AGAP1: variants seen among roughly 807,000 people sequenced by gnomAD.
AGAP1 encodes ArfGAP with GTPase domain, ankyrin repeat and PH domain 1, also known as arf-GAP with GTPase, ANK repeat and PH domain-containing protein 1.
In AGAP1, 29 loss-of-function variants were observed where a neutral mutation model predicts 105.3. The observed-to-expected ratio is 0.28, with a 90% CI of 0.21 to 0.38. The LOEUF (loss-of-function observed/expected upper bound fraction) is 0.38. Among genes scored for constraint, AGAP1 ranks in the 10% least tolerant of loss-of-function variants. The pLI is 1.00. For synonymous variants in AGAP1, 509 were observed against 485.9 expected (o/e 1.05, Z -0.63); for missense variants, 998 against 1,165.1 (o/e 0.86, Z 2.09).
chr2:235,838,420 G>T (rs1280896348), intron 9 of AGAP1, among the ~76,000 whole-genome samples: 2 of 152,200 alleles, frequency 1.3e-5, no homozygotes, highest in East Asian at 3.8e-4. Flanking sequence ...AAGAGGCACT[G>T]TGCTTTCTGA....
rs78809488 is a variant in AGAP1 at position 235,872,387 on chromosome 2, A to G, written c.1051-10958A>G. 6.6e-6 allele frequency among the ~76,000 whole-genome samples: 1 copy of G among 152,200 alleles called. No homozygotes were observed. Among genetic ancestry groups the G allele is most frequent in the South Asian group, 2.1e-4 (1 of 4,836 alleles). The stretch of plus-strand genomic sequence containing the variant: ...AATCTTAAGCAGAGATGGTTTTCAC[A>G]TGTACAAAAGTGGCATCTGAAAGAT... On this transcript the variant is annotated intron_variant, in intron 9 of 17. Coordinates refer to ENST00000304032, the MANE Select transcript of AGAP1 (RefSeq NM_001037131.3). The surrounding 1 kb of genome is among the most constrained non-coding windows in gnomAD (Gnocchi z 4.5).
chr2:235,891,257 C>T lies in AGAP1; in HGVS notation c.1155+7808C>T, dbSNP rs983391899. Among the ~76,000 whole-genome samples the T allele has an allele frequency of 6.6e-6, 1 of 152,190 alleles. No homozygotes were observed. Among genetic ancestry groups the T allele is most frequent in the Non-Finnish European group, 1.5e-5 (1 of 68,040 alleles). On this transcript the variant is annotated intron_variant, in intron 10 of 17. Coordinates refer to ENST00000304032, the MANE Select transcript of AGAP1 (RefSeq NM_001037131.3). The surrounding 1 kb of genome is among the most constrained non-coding windows in gnomAD (Gnocchi z 4.2). ...GATAACCCTAAACATTTAAATAAGACTGACACGGTCAAAGCAAGCACGCTG... is the reference window on the plus strand; with the variant it reads ...GATAACCCTAAACATTTAAATAAGATTGACACGGTCAAAGCAAGCACGCTG...
At position 236,020,792 on chromosome 2, in the gene AGAP1, TA is replaced by T. The variant is rs2056858267; in HGVS notation, c.1646-15768del. ...TGGAGAATATCTGTGGACTATTCAG[TA>T]GGCCTTTTTAATGTATCGGTACAGA... On this transcript the variant is annotated intron_variant, in intron 13 of 17. Transcript: ENST00000304032. This position sits in a 1 kb window ranked among gnomAD's most constrained non-coding sequence, Gnocchi z 5.0. 6.6e-6 allele frequency among the ~76,000 whole-genome samples: 1 copy of T among 152,120 alleles called. No homozygotes were observed. The highest frequency in any genetic ancestry group is 6.5e-5 in the Admixed American group (1 of 15,276).
At chr2:236,008,098 T>C (rs1471891718) in intron 13 of AGAP1, among the ~76,000 whole-genome samples, 2 of 152,256 alleles carry the variant, frequency 1.3e-5, no homozygotes, top group African/African-American at 2.4e-5. Context: ...TCCTAACATA[T>C]GTTATGGTTG....
At chr2:235,757,795 AT>A (rs1442701225) in intron 6 of AGAP1, among the ~76,000 whole-genome samples, 1 of 152,204 alleles carries the variant, frequency 6.6e-6, no homozygotes, top group African/African-American at 2.4e-5. Flanking sequence ...CCCATCTCAC[AT>A]TAAATGGCTG....
rs1946499338 is a variant in AGAP1 at position 235,621,991 on chromosome 2, C to T, written c.164-87188C>T. 6.6e-6 allele frequency among the ~76,000 whole-genome samples: 1 copy of T among 152,080 alleles called. No individual in the cohort carries two copies. The highest frequency in any genetic ancestry group is 2.4e-5 in the African/African-American group (1 of 41,412). On this transcript the variant is annotated intron_variant, in intron 1 of 17. Transcript: ENST00000304032. The surrounding 1 kb of genome is among the most constrained non-coding windows in gnomAD (Gnocchi z 4.1). Reference sequence around the variant, plus strand: ...GTCCTTTTTGTTGTAGCTGATGGAGCAGAATTTTAAATGCATTCCTCTAAC... The same window carrying T: ...GTCCTTTTTGTTGTAGCTGATGGAGTAGAATTTTAAATGCATTCCTCTAAC...
chr2:235,903,875 G>C (rs2051176252), intron 10 of AGAP1, among the ~76,000 whole-genome samples: 1 of 152,116 alleles, frequency 6.6e-6, no homozygotes, highest in Admixed American at 6.5e-5. Context: ...AGGACAACGT[G>C]ATACAGCAGC....
rs1413382988 is a variant in AGAP1 at position 235,993,642 on chromosome 2, T to C, written c.1645+25019T>C. On this transcript the variant is annotated intron_variant, in intron 13 of 17. Transcript: ENST00000304032. This position sits in a 1 kb window ranked among gnomAD's most constrained non-coding sequence, Gnocchi z 5.0. Reference sequence around the variant, plus strand: ...AAAATGCTTGGAGAATGTTGCAGCCTGTGTCCCTGTTGGAGTTTTTGCTGC... The same window carrying C: ...AAAATGCTTGGAGAATGTTGCAGCCCGTGTCCCTGTTGGAGTTTTTGCTGC... Among the ~76,000 whole-genome samples the C allele has an allele frequency of 6.6e-6, 1 of 152,234 alleles. No individual in the cohort carries two copies. Among genetic ancestry groups the C allele is most frequent in the African/African-American group, 2.4e-5 (1 of 41,472 alleles).
In AGAP1 at chr2:236,006,041, G is replaced by A. The variant is rs563034345; in HGVS notation, c.1646-30520G>A. Reference sequence around the variant, plus strand: ...TTTTTTAGAATTCTTTTGCAGGGGAGATCTGTTTCTCTCCCCCATTTATGA... The same window carrying A: ...TTTTTTAGAATTCTTTTGCAGGGGAAATCTGTTTCTCTCCCCCATTTATGA... On this transcript the variant is annotated intron_variant, in intron 13 of 17. Coordinates refer to ENST00000304032, the MANE Select transcript of AGAP1 (RefSeq NM_001037131.3). 5.3e-5 allele frequency among the ~76,000 whole-genome samples: 8 copies of A among 152,340 alleles called. No homozygotes were observed. The East Asian group carries it at 1.5e-3, about 29-fold the overall frequency.
chr2:235,785,842 G>A (rs924917613), intron 6 of AGAP1, among the ~76,000 whole-genome samples: 1 of 151,972 alleles, frequency 6.6e-6, no homozygotes, highest in Non-Finnish European at 1.5e-5. Context: ...ACTTATCTTA[G>A]GTCTTTCTTT....
intron 1 of AGAP1, among the ~76,000 whole-genome samples, chr2:235,595,765 A>G (rs1221898580): frequency 2.0e-5 from 3 of 152,236 alleles, no homozygotes; most frequent in Non-Finnish European, 4.4e-5. Context: ...AACAAAAACT[A>G]GCAGTTGACA....
chr2:236,068,844 G>A (rs947135562), intron 16 of AGAP1, among the ~76,000 whole-genome samples: 1 of 141,200 alleles, frequency 7.1e-6, no homozygotes, highest in African/African-American at 2.6e-5. Flanking sequence ...ACTGAAGGAT[G>A]TAGGCTAGGC....
intron 12 of AGAP1, among the ~76,000 whole-genome samples, chr2:235,956,883 C>T (rs2053974431): frequency 6.6e-6 from 1 of 152,242 alleles, no homozygotes; most frequent in African/African-American, 2.4e-5. Flanking sequence ...AGCCACCCTC[C>T]TGTCCCCTCT....
intron 9 of AGAP1, among the ~76,000 whole-genome samples, chr2:235,838,488 A>G (rs1424670128): frequency 6.6e-6 from 1 of 152,202 alleles, no homozygotes; most frequent in Non-Finnish European, 1.5e-5. Context: ...AATCTGAAGA[A>G]TTCAAAATAA....
At chr2:235,514,153 T>TAC (rs1942273286) in intron 1 of AGAP1, among the ~76,000 whole-genome samples, 1 of 138,554 alleles carries the variant, frequency 7.2e-6, no homozygotes, top group Admixed American at 7.0e-5. Flanking sequence ...TGCATGCGCG[T>TAC]GCGCGCGCGC....
chr2:235,746,234 C>T (rs1952920478), intron 5 of AGAP1, among the ~76,000 whole-genome samples: 2 of 150,070 alleles, frequency 1.3e-5, no homozygotes, highest in African/African-American at 4.9e-5. Flanking sequence ...TGCAGTGAGC[C>T]AAGATCGTGC....
At position 235,569,078 on chromosome 2, in the gene AGAP1, G is replaced by T. The variant is rs1281150710; in HGVS notation, c.163+74229G>T. On this transcript the variant is annotated intron_variant, in intron 1 of 17. Coordinates refer to ENST00000304032, the MANE Select transcript of AGAP1 (RefSeq NM_001037131.3). The surrounding 1 kb of genome is among the most constrained non-coding windows in gnomAD (Gnocchi z 5.9). Reference sequence around the variant, plus strand: ...CTGGGTGTTGGGACATGGACATTTTGGGGGACCCATGATTCAGTTTCCCTC... The same window carrying T: ...CTGGGTGTTGGGACATGGACATTTTTGGGGACCCATGATTCAGTTTCCCTC... Among the ~76,000 whole-genome samples, 3 of 152,172 alleles carry T rather than the reference G, an allele frequency of 2.0e-5. No homozygotes were observed. Among genetic ancestry groups the T allele is most frequent in the Non-Finnish European group, 4.4e-5 (3 of 68,032 alleles).
chr2:235,613,543 G>T lies in AGAP1; in HGVS notation c.164-95636G>T, dbSNP rs192466214. ...CAGAACTCTTCATTCTCCTTAAGGAGATAGAGGCCAGGGAAAGTGTTTTTA... is the reference window on the plus strand; with the variant it reads ...CAGAACTCTTCATTCTCCTTAAGGATATAGAGGCCAGGGAAAGTGTTTTTA... On this transcript the variant is annotated intron_variant, in intron 1 of 17. Transcript: ENST00000304032. Among the ~76,000 whole-genome samples, 451 of 152,282 alleles carry T rather than the reference G, an allele frequency of 3.0e-3. 4 individuals carry two copies. Among genetic ancestry groups the T allele is most frequent in the African/African-American group, 9.9e-3 (412 of 41,546 alleles).
At chr2:235,594,551 T>C (rs1945455627) in intron 1 of AGAP1, among the ~76,000 whole-genome samples, 1 of 152,158 alleles carries the variant, frequency 6.6e-6, no homozygotes, top group Non-Finnish European at 1.5e-5. Flanking sequence ...TAAAGAAGAA[T>C]TGACAATATG....
Sources: gnomAD v4.1 joint callset for allele counts (sites outside exome capture counted in the v4.1 genomes callset) on GRCh38, gnomAD v4.1.1 for gene constraint, Gnocchi (gnomAD v3.1) non-coding constraint, MANE v1.5 for transcripts, NCBI Gene and HGNC (gene_info 2026-07-23, HGNC 2026-07-21) for gene names.